The following CSRNP3 variants were observed in gnomAD, a reference collection of about 807,000 sequenced individuals.
CSRNP3 encodes the protein cysteine/serine-rich nuclear protein 3.
CSRNP3 carries 12 observed loss-of-function variants against 48.0 expected under a neutral mutation model. That is an observed-to-expected ratio of 0.25 (90% CI 0.16 to 0.41). The LOEUF is 0.41. CSRNP3 is among the 10% of genes least tolerant of loss of function. The pLI, the probability that CSRNP3 is intolerant of heterozygous loss-of-function variation, is 1.00. For missense variants in CSRNP3, 580 were observed against 724.4 expected (o/e 0.80, Z 2.29); for synonymous variants, 263 against 269.7 (o/e 0.98, Z 0.24).
At chr2:165,547,749 T>C (rs570866772) in intron 3 of CSRNP3, among the ~76,000 whole-genome samples, 1 of 152,160 alleles carries the variant, frequency 6.6e-6, no homozygotes, top group African/African-American at 2.4e-5. Context: ...GGATGTTTTT[T>C]CTTGACTACA....
chr2:165,531,262 T>A (rs920126990), intron 3 of CSRNP3, among the ~76,000 whole-genome samples: 1 of 152,274 alleles, frequency 6.6e-6, no homozygotes, highest in Admixed American at 6.5e-5. Flanking sequence ...ATCTTCCTAC[T>A]CCACCCTCTT....
intron 3 of CSRNP3, among the ~76,000 whole-genome samples, chr2:165,592,482 C>T (rs937790194): frequency 1.3e-5 from 2 of 152,094 alleles, no homozygotes; most frequent in Non-Finnish European, 2.9e-5. Flanking sequence ...TGGGAGGGGT[C>T]ACAGGCAGAA....
At chr2:165,502,781 A>G (rs1160591893) in intron 2 of CSRNP3, among the ~76,000 whole-genome samples, 2 of 151,482 alleles carry the variant, frequency 1.3e-5, no homozygotes, top group Non-Finnish European at 2.9e-5. Flanking sequence ...CTCTCTGTGT[A>G]TATATAAATA....
chr2:165,567,114 A>C (rs778195751), intron 3 of CSRNP3: 1 of 152,076 alleles, frequency 6.6e-6, no homozygotes, highest in Admixed American at 6.6e-5. Flanking sequence ...TGGAAAAACC[A>C]TCAGTCCTGT....
intron 3 of CSRNP3, among the ~76,000 whole-genome samples, chr2:165,565,206 T>C (rs1685281803): frequency 6.6e-6 from 1 of 152,242 alleles, no homozygotes; most frequent in East Asian, 1.9e-4. Flanking sequence ...TCCAATAAAA[T>C]GTGTTTATAC....
chr2:165,477,750 G>T (rs184176943), intron 1 of CSRNP3, among the ~76,000 whole-genome samples: 83 of 152,004 alleles, frequency 5.5e-4, no homozygotes, highest in Non-Finnish European at 1.0e-3. Flanking sequence ...GCCAAGGCAG[G>T]TGGATCACTT....
chr2:165,581,200 C>A (rs1685540223), intron 3 of CSRNP3, among the ~76,000 whole-genome samples: 1 of 152,116 alleles, frequency 6.6e-6, no homozygotes, highest in South Asian at 2.1e-4. Context: ...ATGTTTAGGG[C>A]CAAGAGGCAT....
At chr2:165,634,795 A>G (rs1686600362) in intron 4 of CSRNP3, among the ~76,000 whole-genome samples, 1 of 152,244 alleles carries the variant, frequency 6.6e-6, no homozygotes, top group African/African-American at 2.4e-5. Flanking sequence ...TAGTGTCTAG[A>G]AAGTACTCCA....
chr2:165,666,952 GA>G (rs1687231363), intron 5 of CSRNP3, among the ~76,000 whole-genome samples: 1 of 35,440 alleles, frequency 2.8e-5, no homozygotes, highest in African/African-American at 6.1e-5. Context: ...GAAAGAGAGA[GA>G]GGAAGGAAGG....
intron 1 of CSRNP3, among the ~76,000 whole-genome samples, chr2:165,493,679 C>G (rs1333048188): frequency 6.6e-6 from 1 of 152,070 alleles, no homozygotes; most frequent in Admixed American, 6.6e-5. Context: ...CAGCTTCACC[C>G]TTTGGCCTGA....
chr2:165,471,630 AG>A (rs1050358658), intron 1 of CSRNP3, among the ~76,000 whole-genome samples: 1 of 152,064 alleles, frequency 6.6e-6, no homozygotes, highest in African/African-American at 2.4e-5. Context: ...ACTAAGGGAG[AG>A]GACTGAATAA....
At chr2:165,523,493 A>T (rs1289138110) in intron 3 of CSRNP3, among the ~76,000 whole-genome samples, 2 of 152,180 alleles carry the variant, frequency 1.3e-5, no homozygotes, top group Admixed American at 6.5e-5. Flanking sequence ...GCACAGTGCA[A>T]TCTGATTTCT....
chr2:165,627,854 G>A (rs1299341664), intron 4 of CSRNP3, among the ~76,000 whole-genome samples: 2 of 152,098 alleles, frequency 1.3e-5, no homozygotes, highest in Non-Finnish European at 2.9e-5. Context: ...GCTCAGAGAT[G>A]TTACACATGT....
chr2:165,661,983 G>A (rs1033675420), intron 5 of CSRNP3, among the ~76,000 whole-genome samples: 1 of 152,068 alleles, frequency 6.6e-6, no homozygotes, highest in African/African-American at 2.4e-5. Context: ...TATCTTTCCA[G>A]GGTGTCTTTG....
At chr2:165,499,497 G>T (rs1684328871) in intron 2 of CSRNP3, among the ~76,000 whole-genome samples, 1 of 152,112 alleles carries the variant, frequency 6.6e-6, no homozygotes, top group African/African-American at 2.4e-5. Context: ...GTGCATGTTT[G>T]TATATAAAAA....
chr2:165,558,342 A>G (rs914575159), intron 3 of CSRNP3, among the ~76,000 whole-genome samples: 3 of 152,220 alleles, frequency 2.0e-5, no homozygotes, highest in South Asian at 2.1e-4. Context: ...ATTTAAATGT[A>G]TAATTGCTGA....
intron 3 of CSRNP3, among the ~76,000 whole-genome samples, chr2:165,551,731 G>A (rs191635144): frequency 5.9e-5 from 9 of 152,078 alleles, no homozygotes; most frequent in Admixed American, 1.3e-4. Context: ...TGGCTATACC[G>A]TGAAACCTTG....
intron 1 of CSRNP3, among the ~76,000 whole-genome samples, chr2:165,491,310 GA>G: frequency 2.0e-5 from 1 of 49,428 alleles, no homozygotes; most frequent in Non-Finnish European, 3.9e-5. Flanking sequence ...ACAGATGCTG[GA>G]GAGGATGTGG....
chr2:165,595,262 A>G (rs778993217), intron 4 of CSRNP3, 49 bp downstream of exon 4: 1 of 1,492,312 alleles, frequency 6.7e-7, no homozygotes, highest in Non-Finnish European at 9.2e-7. Context: ...TCTACAGCAA[A>G]ACTAATTGTG....
Sources: gnomAD v4.1 joint callset for allele counts (sites outside exome capture counted in the v4.1 genomes callset) on GRCh38, gnomAD v4.1.1 for gene constraint, MANE v1.5 for transcripts, NCBI Gene and HGNC (gene_info 2026-07-23, HGNC 2026-07-21) for gene names.